The following PALLD variants were observed in gnomAD, a reference collection of about 807,000 sequenced individuals.
PALLD encodes palladin, cytoskeletal associated protein, also known as palladin.
PALLD carries 61 observed loss-of-function variants against 123.5 expected under a neutral mutation model. The ratio of observed to expected loss-of-function variants is 0.49; its 90% CI spans 0.40 to 0.61. The LOEUF is 0.61. Among genes scored for constraint, PALLD ranks in the 20% least tolerant of loss-of-function variants. The pLI is 0.00. For missense variants in PALLD, 1,273 were observed against 1,377.0 expected, an observed-to-expected ratio of 0.92 and a Z score of 1.20; for synonymous variants, 465 against 496.4, an observed-to-expected ratio of 0.94 and a Z score of 0.84.
chr4:168,520,327 CAAAAAAAAAAA>C (rs1554034658), intron 2 of PALLD, among the ~76,000 whole-genome samples: 19 of 101,620 alleles, frequency 1.9e-4, no homozygotes, highest in African/African-American at 7.0e-4. Context: ...ATTCCGTCAC[CAAAAAAAAAAA>C]AAAAAAAAAA....
chr4:168,831,951 T>C, intron 10 of PALLD: 1 of 959,256 alleles, frequency 1.0e-6, no homozygotes, highest in Non-Finnish European at 1.2e-6. Flanking sequence ...GGGGGCCGCG[T>C]CCCAGAGCTG....
At chr4:168,914,169 T>C (rs1246769582) in intron 16 of PALLD, 148 bp downstream of exon 16, 1 of 672,456 alleles carries the variant, frequency 1.5e-6, no homozygotes, top group East Asian at 2.7e-5. Context: ...GGCTCCTTGA[T>C]TATTATGCTC....
At chr4:168,759,852 G>A (rs1013785915) in intron 10 of PALLD, among the ~76,000 whole-genome samples, 2 of 151,964 alleles carry the variant, frequency 1.3e-5, no homozygotes, top group East Asian at 1.9e-4. Flanking sequence ...CCAGGAGTTC[G>A]AGATCAGCCT....
intron 10 of PALLD, among the ~76,000 whole-genome samples, chr4:168,771,870 C>T (rs958036385): frequency 6.6e-6 from 1 of 152,144 alleles, no homozygotes; most frequent in Non-Finnish European, 1.5e-5. Context: ...AGCGGCATGT[C>T]GTTGTCACTC....
At chr4:168,861,279 T>TTA (rs71588173) in intron 10 of PALLD, among the ~76,000 whole-genome samples, 1 of 149,454 alleles carries the variant, frequency 6.7e-6, no homozygotes, top group East Asian at 2.0e-4. Context: ...AATATGGAAT[T>TTA]AAAAAAAAAA....
chr4:168,566,070 G>A lies in PALLD; in HGVS notation c.908+53658G>A, dbSNP rs193125529. On this transcript the variant is annotated intron_variant, in intron 2 of 21. Coordinates refer to ENST00000505667, the MANE Select transcript of PALLD (RefSeq NM_001166108.2). ...GCAAAACAGGTCAGAGATAACATAGGATAAATAATATAGTCTCTTAGCACT... is the reference window on the plus strand; with the variant it reads ...GCAAAACAGGTCAGAGATAACATAGAATAAATAATATAGTCTCTTAGCACT... Among the ~76,000 whole-genome samples the A allele has an allele frequency of 7.9e-3, 1,199 of 152,162 alleles. 9 individuals are homozygous for A. Among genetic ancestry groups the A allele is most frequent in the Non-Finnish European group, 0.014 (950 of 67,992 alleles).
chr4:168,704,089 A>G (rs1041391910), intron 8 of PALLD, among the ~76,000 whole-genome samples: 1 of 151,920 alleles, frequency 6.6e-6, no homozygotes, highest in Admixed American at 6.5e-5. Flanking sequence ...CATATCTACA[A>G]CTATCTGATC....
Position 168,756,025 on chromosome 4 carries a change from A to C in PALLD, c.1964+44102A>C, listed in dbSNP as rs376586606. The C allele has an allele frequency of 9.5e-5, 16 of 168,786 alleles. No individual in the cohort carries two copies. The East Asian group carries it at 2.4e-3, about 26-fold the overall frequency. 10.5% of individuals were successfully genotyped at this position (168,786 alleles called of 1,614,324 possible). Reference sequence around the variant, plus strand: ...ATGGGAATTGGCTGCCATGCGTGCTATCTGTAGTCATGCACAGAAGATGAT... The same window carrying C: ...ATGGGAATTGGCTGCCATGCGTGCTCTCTGTAGTCATGCACAGAAGATGAT... On this transcript the variant is annotated intron_variant, in intron 10 of 21. Transcript: ENST00000505667.
intron 2 of PALLD, among the ~76,000 whole-genome samples, chr4:168,627,873 C>T (rs1775450059): frequency 6.6e-6 from 1 of 152,170 alleles, no homozygotes; most frequent in Admixed American, 6.5e-5. Flanking sequence ...AAAAAACTTG[C>T]TCAGCCTCAC....
chr4:168,770,682 A>G (rs575464638), intron 10 of PALLD, among the ~76,000 whole-genome samples: 26 of 152,272 alleles, frequency 1.7e-4, no homozygotes, highest in Non-Finnish European at 3.2e-4. Context: ...GTGACCATCA[A>G]CATTCAACTG....
chr4:168,708,182 A>G (rs1581077079), intron 8 of PALLD, among the ~76,000 whole-genome samples: 1 of 152,228 alleles, frequency 6.6e-6, no homozygotes, highest in East Asian at 1.9e-4. Flanking sequence ...CATAAGATTG[A>G]CATGATGATT....
intron 10 of PALLD, among the ~76,000 whole-genome samples, chr4:168,878,929 G>A (rs1752237162): frequency 6.6e-6 from 1 of 152,132 alleles, no homozygotes; most frequent in South Asian, 2.1e-4. Context: ...ATGTGAAGGA[G>A]TTTGGTTATT....
Position 168,921,649 on chromosome 4 carries a change from A to G in PALLD, c.2966A>G (p.Glu989Gly). ...RENGVHSLII[E>G]PVTSRDAGIY... Reference sequence around the variant, plus strand: ...AACGGGGTGCACTCTCTGATCATAGAGCCAGTCACGTCACGTGATGCCGGC... The same window carrying G: ...AACGGGGTGCACTCTCTGATCATAGGGCCAGTCACGTCACGTGATGCCGGC... The change falls in exon 18 of 22, where the codon GAG (glutamate) becomes GGG (glycine). Residue 989 changes from glutamate to glycine, a missense_variant. By Grantham distance (98) the Glu-to-Gly change is moderately conservative. This residue lies in a region of PALLD where 329 missense variants were observed against 422.5 expected (regional missense o/e 0.78). Coordinates refer to ENST00000505667, the MANE Select transcript of PALLD (RefSeq NM_001166108.2). 6.2e-7 allele frequency: 1 copy of G among 1,610,294 alleles called. No homozygotes were observed. Among genetic ancestry groups the G allele is most frequent in the Non-Finnish European group, 8.5e-7 (1 of 1,179,318 alleles).
At chr4:168,912,355 G>A (rs1478400756) in intron 15 of PALLD, among the ~76,000 whole-genome samples, 1 of 152,074 alleles carries the variant, frequency 6.6e-6, no homozygotes, top group Non-Finnish European at 1.5e-5. Context: ...CTCTCTTGCT[G>A]TTACCTTTGG....
intron 2 of PALLD, among the ~76,000 whole-genome samples, chr4:168,560,376 G>A (rs968690666): frequency 2.0e-5 from 3 of 152,126 alleles, no homozygotes; most frequent in South Asian, 4.1e-4. Flanking sequence ...CAAGGCAGAC[G>A]CTGGAAAGCA....
intron 10 of PALLD, among the ~76,000 whole-genome samples, chr4:168,713,157 T>A (rs73864623): frequency 2.0e-5 from 3 of 152,182 alleles, no homozygotes; most frequent in African/African-American, 7.2e-5. Flanking sequence ...TCTGGCTCTC[T>A]TTTAAGACAG....
intron 10 of PALLD, among the ~76,000 whole-genome samples, chr4:168,800,993 CA>C (rs1739244238): frequency 6.6e-6 from 1 of 152,044 alleles, no homozygotes; most frequent in Non-Finnish European, 1.5e-5. Flanking sequence ...TAATATAGAA[CA>C]AAAGCATACA....
intron 2 of PALLD, among the ~76,000 whole-genome samples, chr4:168,617,873 T>G (rs563070657): frequency 6.6e-6 from 1 of 152,184 alleles, no homozygotes; most frequent in African/African-American, 2.4e-5. Context: ...AGTGTAGTTA[T>G]GAAGCTCCCT....
At chr4:168,848,627 G>A (rs1747270505) in intron 10 of PALLD, among the ~76,000 whole-genome samples, 1 of 152,188 alleles carries the variant, frequency 6.6e-6, no homozygotes, top group South Asian at 2.1e-4. Context: ...TTTGAGTTCT[G>A]AGCTCTAAAA....
Sources: allele counts gnomAD v4.1 joint callset (sites outside exome capture counted in the v4.1 genomes callset), GRCh38; gene constraint gnomAD v4.1.1; regional missense constraint gnomAD v4.1.1; transcripts MANE v1.5; gene names NCBI Gene and HGNC (gene_info 2026-07-23, HGNC 2026-07-21).